RPP14: variants seen among roughly 807,000 people sequenced by gnomAD.
RPP14 encodes ribonuclease P protein subunit p14.
In RPP14, 19 loss-of-function variants were observed where a neutral mutation model predicts 17.8. That is an observed-to-expected ratio of 1.07 (90% CI 0.74 to 1.57). RPP14 has a LOEUF of 1.57. Ranked by LOEUF, RPP14 falls within the 40% of genes most tolerant of loss-of-function variation. The pLI, the probability that RPP14 is intolerant of heterozygous loss-of-function variation, is 0.00. For synonymous variants in RPP14, 60 were observed against 56.4 expected, an observed-to-expected ratio of 1.06 and a Z score of -0.29; for missense variants, 125 against 140.8, an observed-to-expected ratio of 0.89 and a Z score of 0.57.
intron 3 of RPP14, among the ~76,000 whole-genome samples, chr3:58,312,668 G>T (rs557483033): frequency 6.6e-6 from 1 of 152,084 alleles, no homozygotes; most frequent in African/African-American, 2.4e-5. Flanking sequence ...TAATGAGAAA[G>T]TCTCCTTATG....
chr3:58,312,332 G>GCCCC lies in RPP14; in HGVS notation c.162+1742_162+1743insCCCC, dbSNP rs1217680908. 4.5e-3 allele frequency among the ~76,000 whole-genome samples: 380 copies of GCCCC among 85,054 alleles called. 1 individual carries two copies. Among genetic ancestry groups the GCCCC allele is most frequent in the East Asian group, 0.026 (18 of 682 alleles). 55.8% of individuals were successfully genotyped at this position (85,054 alleles called of 152,430 possible). On this transcript the variant is annotated intron_variant, in intron 3 of 5. Coordinates refer to ENST00000295959, the MANE Select transcript of RPP14 (RefSeq NM_007042.6). ...GCTGGAGTGCAGTGGCACAACCTCC[G>GCCCC]CACCCCCCCCCGCCCCTCCCGGATT...
chr3:58,314,912 C>G (rs1040366355), intron 3 of RPP14, among the ~76,000 whole-genome samples: 2 of 152,012 alleles, frequency 1.3e-5, no homozygotes, highest in East Asian at 3.9e-4. Flanking sequence ...GTCTCAATCT[C>G]TTGACCTTGT....
intron 1 of RPP14, among the ~76,000 whole-genome samples, chr3:58,308,220 G>A (rs914280089): frequency 4.6e-5 from 7 of 152,024 alleles, no homozygotes; most frequent in Admixed American, 4.6e-4. Context: ...GAATATATAG[G>A]CCTATACCAC....
At position 58,317,092 on chromosome 3, in the gene RPP14, A is replaced by G. The variant is rs181961147; in HGVS notation, c.318+99A>G. On this transcript the variant is annotated intron_variant, in intron 5 of 5. Coordinates refer to ENST00000295959, the MANE Select transcript of RPP14 (RefSeq NM_007042.6). ...ATTTTTGTGCTTGCATAAATGTAAT[A>G]TGGTTAAAATGATCTAAGTAGGGGA... 16 of 840,720 alleles carry G rather than the reference A, an allele frequency of 1.9e-5. No homozygotes were observed. The East Asian group carries it at 3.0e-4, about 16-fold the overall frequency. The allele number at this position is 840,720 out of a possible 1,614,324, so 52.1% of individuals were successfully genotyped here. A position where few individuals can be genotyped will look rare whatever the true frequency, so the allele number is the denominator to read the frequency against.
chr3:58,311,762 A>C (rs2107502836), intron 3 of RPP14, among the ~76,000 whole-genome samples: 1 of 151,460 alleles, frequency 6.6e-6, no homozygotes, highest in South Asian at 2.1e-4. Flanking sequence ...TGACAGCATG[A>C]GCCACTATGC....
At chr3:58,316,783 T>G in intron 4 of RPP14, 132 bp from the exon 5 acceptor site, 2 of 895,182 alleles carry the variant, frequency 2.2e-6, no homozygotes, top group Non-Finnish European at 3.5e-6. Flanking sequence ...ACTTACGATT[T>G]GGTTACAGCT....
At chr3:58,312,041 T>G (rs920893662) in intron 3 of RPP14, among the ~76,000 whole-genome samples, 1 of 151,968 alleles carries the variant, frequency 6.6e-6, no homozygotes, top group Admixed American at 6.6e-5. Flanking sequence ...CCAATTTTTT[T>G]ACTTGTAGAG....
intron 1 of RPP14, among the ~76,000 whole-genome samples, chr3:58,307,261 T>G (rs972409469): frequency 3.3e-5 from 5 of 152,320 alleles, no homozygotes; most frequent in Admixed American, 6.5e-5. Context: ...GGCCTTACTC[T>G]GGATAAAACG....
chr3:58,310,216 AAAC>A (rs2097480620), intron 1 of RPP14, 90 bp from the exon 2 acceptor site: 12 of 946,180 alleles, frequency 1.3e-5, no homozygotes, highest in Non-Finnish European at 2.0e-5. Context: ...TAAAACAAAC[AAAC>A]AAAAAAAACC....
rs372877190 is a variant in RPP14, at chr3:58,310,453, G to C, written c.77+47G>C. The C allele has an allele frequency of 4.6e-5, 73 of 1,598,782 alleles. 1 individual carries two copies. In the African/African-American group the frequency reaches 9.6e-4, roughly 21 times the overall value. On this transcript the variant is annotated intron_variant, in intron 2 of 5. Coordinates refer to ENST00000295959, the MANE Select transcript of RPP14 (RefSeq NM_007042.6). ...CTATTTTAGATTACTTTTCTAACAT[G>C]AATCTGAATAGAATGAAATTTAATA...
At chr3:58,309,794 A>T (rs2097480119) in intron 1 of RPP14, among the ~76,000 whole-genome samples, 1 of 152,198 alleles carries the variant, frequency 6.6e-6, no homozygotes, top group African/African-American at 2.4e-5. Flanking sequence ...CGGGAGGCTG[A>T]GGCAGGAGAA....
rs1236126563 is a variant in RPP14 at position 58,319,861 on chromosome 3, TA to T, written c.*2369del. The T allele has an allele frequency of 1.3e-5, 2 of 152,204 alleles. No individual in the cohort carries two copies. Among genetic ancestry groups the T allele is most frequent in the African/African-American group, 4.8e-5 (2 of 41,440 alleles). The allele number at this position is 152,204 out of a possible 1,614,324, so 9.4% of individuals were successfully genotyped here. Reference sequence around the variant, plus strand: ...TTCACATACCATAAAATTCACCTTTTAAAAGTGTACAGTTTAGTGGTTTTCA... The same window carrying T: ...TTCACATACCATAAAATTCACCTTTTAAAGTGTACAGTTTAGTGGTTTTCA... On this transcript the variant is annotated 3_prime_UTR_variant, in exon 6 of 6. Transcript: ENST00000295959.
At chr3:58,312,787 G>A (rs561765914) in intron 3 of RPP14, among the ~76,000 whole-genome samples, 2 of 151,838 alleles carry the variant, frequency 1.3e-5, no homozygotes, top group Non-Finnish European at 2.9e-5. Context: ...GTGGTGAAAC[G>A]CTTTCTCTAC....
At chr3:58,313,744 G>C (rs2097484942) in intron 3 of RPP14, among the ~76,000 whole-genome samples, 1 of 152,212 alleles carries the variant, frequency 6.6e-6, no homozygotes, top group African/African-American at 2.4e-5. Flanking sequence ...AGGATTGCTT[G>C]AGCCCAAGAG....
intron 3 of RPP14, among the ~76,000 whole-genome samples, chr3:58,312,460 G>A (rs998809418): frequency 6.6e-6 from 1 of 151,316 alleles, no homozygotes; most frequent in African/African-American, 2.4e-5. Context: ...TTTTAAAACT[G>A]TGTTTGAAAT....
rs1156516938 is a variant in RPP14, at chr3:58,319,571, C to G, written c.*2075C>G. On this transcript the variant is annotated 3_prime_UTR_variant, in exon 6 of 6. Transcript: ENST00000295959. The stretch of plus-strand genomic sequence containing the variant: ...AAGTACAGTTTCTGTTATAAAAGTT[C>G]AGATTATTCCTTGAAAATTTGGATC... 6.6e-6 allele frequency: 1 copy of G among 151,632 alleles called. No individual in the cohort carries two copies. Among genetic ancestry groups the G allele is most frequent in the African/African-American group, 2.4e-5 (1 of 41,204 alleles). 9.4% of individuals were successfully genotyped at this position (151,632 alleles called of 1,614,324 possible).
At chr3:58,309,831 G>A (rs1391405150) in intron 1 of RPP14, among the ~76,000 whole-genome samples, 2 of 152,126 alleles carry the variant, frequency 1.3e-5, no homozygotes, top group Non-Finnish European at 2.9e-5. Flanking sequence ...GGCAGAGGTT[G>A]CAGTGAGCCA....
At chr3:58,308,808 A>G (rs931151996) in intron 1 of RPP14, among the ~76,000 whole-genome samples, 3 of 152,206 alleles carry the variant, frequency 2.0e-5, no homozygotes, top group Non-Finnish European at 2.9e-5. Flanking sequence ...AAGAGATTGC[A>G]TAACATGGGG....
intron 3 of RPP14, among the ~76,000 whole-genome samples, chr3:58,316,047 T>A (rs933152753): frequency 2.0e-5 from 3 of 151,986 alleles, no homozygotes; most frequent in Non-Finnish European, 2.9e-5. Context: ...TAAAAAAAAA[T>A]ATCCCTGTGT....
Sources: allele counts gnomAD v4.1 joint callset (sites outside exome capture counted in the v4.1 genomes callset), GRCh38; gene constraint gnomAD v4.1.1; transcripts MANE v1.5; gene names NCBI Gene and HGNC (gene_info 2026-07-23, HGNC 2026-07-21).